HSPBAP1: variants seen among roughly 807,000 people sequenced by gnomAD.
HSPBAP1 encodes HSPB1 associated protein 1.
HSPBAP1 carries 27 observed loss-of-function variants against 45.2 expected under a neutral mutation model. That is an observed-to-expected ratio of 0.60 (90% confidence interval 0.44 to 0.82). The LOEUF (loss-of-function observed/expected upper bound fraction) is 0.82, where lower values mean the gene tolerates loss of function less well. HSPBAP1 is among the 40% of genes least tolerant of loss of function. The probability of loss-of-function intolerance (pLI) is 0.00; values close to 1 mark genes in which losing one functional copy is unlikely to be tolerated. For missense variants in HSPBAP1, 510 were observed against 590.9 expected, an observed-to-expected ratio of 0.86 and a Z score of 1.42; for synonymous variants, 204 against 202.7, an observed-to-expected ratio of 1.01 and a Z score of -0.06.
At chr3:122,762,754 C>T (rs944061142) in intron 3 of HSPBAP1, among the ~76,000 whole-genome samples, 9 of 151,916 alleles carry the variant, frequency 5.9e-5, no homozygotes, top group African/African-American at 2.2e-4. Context: ...GAGTTAAATC[C>T]TTTTAAATTA....
At chr3:122,764,338 T>A (rs1934701596) in intron 3 of HSPBAP1, among the ~76,000 whole-genome samples, 1 of 152,220 alleles carries the variant, frequency 6.6e-6, no homozygotes, top group South Asian at 2.1e-4. Context: ...AGCTTCACCT[T>A]TGTCAAATTT....
At chr3:122,789,835 G>A (rs189861038) in intron 1 of HSPBAP1, among the ~76,000 whole-genome samples, 4 of 149,354 alleles carry the variant, frequency 2.7e-5, no homozygotes, top group East Asian at 1.9e-4. Context: ...CTAATCACCC[G>A]CAACCCTATG....
At chr3:122,777,657 C>A in intron 2 of HSPBAP1, 64 bp downstream of exon 2, 2 of 1,092,008 alleles carry the variant, frequency 1.8e-6, no homozygotes, top group South Asian at 1.7e-5. Context: ...ATCAGGAGGC[C>A]ACTGCTGAGA....
rs1934480597 is a variant in HSPBAP1, at chr3:122,759,284, G to C, written c.509C>G (p.Ala170Gly). 1 of 1,613,808 alleles carries C rather than the reference G, an allele frequency of 6.2e-7. No individual in the cohort carries two copies. Among genetic ancestry groups the C allele is most frequent in the South Asian group, 1.1e-5 (1 of 91,072 alleles). The change falls in exon 4 of 8, where the codon GCC becomes GGC. Residue 170 changes from alanine to glycine, a missense_variant. Coordinates refer to ENST00000306103, the MANE Select transcript of HSPBAP1 (RefSeq NM_024610.6). ...GGAGTCCAGATGACAGGGTGTGTGG[G>C]CTCCCAAGGAGCCAATCCACAATGT... Reference protein sequence around the residue: ...ESTLWIGSLGAHTPCHLDSYG... With the variant: ...ESTLWIGSLGGHTPCHLDSYG...
chr3:122,746,117 T>A (rs1413641756), intron 6 of HSPBAP1, among the ~76,000 whole-genome samples: 1 of 152,066 alleles, frequency 6.6e-6, no homozygotes, highest in Non-Finnish European at 1.5e-5. Context: ...TATTTAGGAA[T>A]AAACATTTAA....
intron 3 of HSPBAP1, among the ~76,000 whole-genome samples, chr3:122,766,542 C>T (rs1344214197): frequency 1.3e-5 from 2 of 152,180 alleles, no homozygotes; most frequent in Non-Finnish European, 2.9e-5. Context: ...AAAGGCTGCC[C>T]TTTATATCCG....
chr3:122,772,137 T>C (rs1191157745), intron 2 of HSPBAP1, among the ~76,000 whole-genome samples: 4 of 152,318 alleles, frequency 2.6e-5, no homozygotes, highest in African/African-American at 9.6e-5. Context: ...ATAAAAACTA[T>C]AAATCATTTT....
Position 122,740,542 on chromosome 3 carries a change from G to A in HSPBAP1, c.1270C>T (p.His424Tyr). 1.9e-6 allele frequency: 3 copies of A among 1,614,180 alleles called. No homozygotes were observed. Among genetic ancestry groups the A allele is most frequent in the Non-Finnish European group, 2.5e-6 (3 of 1,180,032 alleles). ...TTGGCACAATGCAATTTTCCAAAGT[G>A]TTCTCCATCCTTGTCCACAAAGTCT... ...GKDFVDKDGE[H>Y]FGKLHCAKRQ... Residue 424 changes from histidine to tyrosine, a missense_variant, in exon 8 of 8, where the codon CAC becomes TAC. Coordinates refer to ENST00000306103, the MANE Select transcript of HSPBAP1 (RefSeq NM_024610.6).
intron 6 of HSPBAP1, among the ~76,000 whole-genome samples, chr3:122,747,572 G>A (rs1364059541): frequency 1.3e-4 from 16 of 127,326 alleles, no homozygotes; most frequent in East Asian, 4.1e-4. Flanking sequence ...CGCCCCGTCC[G>A]GGAGGGAGGT....
chr3:122,759,394 C>G, intron 3 of HSPBAP1, 34 bp from the exon 4 acceptor site: 1 of 1,601,688 alleles, frequency 6.2e-7, no homozygotes, highest in Non-Finnish European at 8.5e-7. Context: ...CCATCAAGAA[C>G]TAACCAACTT....
chr3:122,779,575 T>C (rs975217687), intron 1 of HSPBAP1, among the ~76,000 whole-genome samples: 11 of 151,620 alleles, frequency 7.3e-5, no homozygotes, highest in African/African-American at 1.5e-4. Flanking sequence ...GGCAGGGTCA[T>C]AGGACAATAG....
Position 122,740,871 on chromosome 3 carries a change from T to A in HSPBAP1, c.941A>T (p.Glu314Val). The A allele has an allele frequency of 6.2e-7, 1 of 1,613,788 alleles. No individual in the cohort carries two copies. The highest frequency in any genetic ancestry group is 8.5e-7 in the Non-Finnish European group (1 of 1,179,796). The stretch of plus-strand genomic sequence containing the variant: ...ACAGTTGACTGCATGGGACGTTTCC[T>A]CAACCTAAGGGAAGAGAAAAACCTT... ...TRAWLNPTEV[E>V]ETSHAVNCCY... The change falls in exon 8 of 8, where the codon GAG becomes GTG. Residue 314 changes from glutamate (E) to valine (V), a missense_variant. Coordinates refer to ENST00000306103, the MANE Select transcript of HSPBAP1 (RefSeq NM_024610.6).
intron 5 of HSPBAP1, chr3:122,754,791 C>T (rs540295222): frequency 4.1e-4 from 406 of 986,186 alleles, no homozygotes; most frequent in Non-Finnish European, 4.7e-4. Flanking sequence ...AAAACAACAT[C>T]CATTTTTGCT....
intron 1 of HSPBAP1, among the ~76,000 whole-genome samples, chr3:122,791,156 C>A (rs1278962350): frequency 6.6e-6 from 1 of 152,216 alleles, no homozygotes; most frequent in Non-Finnish European, 1.5e-5. Context: ...GATTAAGTAC[C>A]TTGTCCTCCA....
chr3:122,766,133 T>C (rs1934772829), intron 3 of HSPBAP1, among the ~76,000 whole-genome samples: 1 of 152,156 alleles, frequency 6.6e-6, no homozygotes, highest in African/African-American at 2.4e-5. Context: ...CAACAATCTA[T>C]CCCTCTAATG....
At chr3:122,745,366 T>A (rs532195386) in intron 6 of HSPBAP1, among the ~76,000 whole-genome samples, 1 of 152,232 alleles carries the variant, frequency 6.6e-6, no homozygotes, top group South Asian at 2.1e-4. Flanking sequence ...GAAGACAGAA[T>A]GGAAGAGAAG....
At chr3:122,765,647 A>AT (rs1354846974) in intron 3 of HSPBAP1, among the ~76,000 whole-genome samples, 1 of 151,856 alleles carries the variant, frequency 6.6e-6, no homozygotes, top group Non-Finnish European at 1.5e-5. Context: ...TCCTAACACT[A>AT]TTTTTCTGAT....
At chr3:122,770,190 G>C (rs537706896) in intron 2 of HSPBAP1, among the ~76,000 whole-genome samples, 1 of 152,206 alleles carries the variant, frequency 6.6e-6, no homozygotes, top group Non-Finnish European at 1.5e-5. Context: ...CAGAATGGCA[G>C]AGAGGTAATA....
At chr3:122,780,407 G>T (rs1171665565) in intron 1 of HSPBAP1, among the ~76,000 whole-genome samples, 3 of 117,876 alleles carry the variant, frequency 2.5e-5, no homozygotes, top group South Asian at 2.6e-4. Flanking sequence ...CCTCCTGGAC[G>T]GGGCGGCTGG....
Sources: gnomAD v4.1 joint callset for allele counts (sites outside exome capture counted in the v4.1 genomes callset) on GRCh38, gnomAD v4.1.1 for gene constraint, MANE v1.5 for transcripts, NCBI Gene and HGNC (gene_info 2026-07-23, HGNC 2026-07-21) for gene names.